Variants in ARHGAP40 observed in about 807,000 individuals in gnomAD.
The protein encoded by ARHGAP40 is Rho GTPase activating protein 40, also known as rho GTPase-activating protein 40.
Under a neutral mutation model 73.5 loss-of-function variants are expected in ARHGAP40, and 43 were observed. That is an observed-to-expected ratio of 0.58 (90% confidence interval 0.46 to 0.75). The LOEUF (loss-of-function observed/expected upper bound fraction) is 0.75. ARHGAP40 is among the 30% of genes least tolerant of loss of function. The pLI is 0.00. For synonymous variants in ARHGAP40, 300 were observed against 352.8 expected (o/e 0.85, Z 1.68); for missense variants, 734 against 861.8 (o/e 0.85, Z 1.86).
At chr20:38,627,328 G>A (rs1568607576) in intron 3 of ARHGAP40, 113 bp downstream of exon 3, 1 of 945,716 alleles carries the variant, frequency 1.1e-6, no homozygotes, top group Non-Finnish European at 1.5e-6. Flanking sequence ...GTGTGTATGT[G>A]TGTGTTGGTG....
rs551121500 is a variant in ARHGAP40, at chr20:38,628,114, T to G, written c.559-813T>G. ...TCCAGAGCAACAGCTCAGGAGCAGT[T>G]CTGCCTTTTAATTACATGCAAATTA... On this transcript the variant is annotated intron_variant, in intron 3 of 14. Coordinates refer to ENST00000373345, the Ensembl canonical transcript of ARHGAP40. 2.0e-5 allele frequency among the ~76,000 whole-genome samples: 3 copies of G among 152,332 alleles called. No individual in the cohort carries two copies. The South Asian group carries it at 6.2e-4, about 32-fold the overall frequency.
chr20:38,646,305 GA>G lies in ARHGAP40; in HGVS notation c.1710+119del. 9.0e-7 allele frequency: 1 copy of G among 1,115,248 alleles called. No individual in the cohort carries two copies. The highest frequency in any genetic ancestry group is 1.1e-6 in the Non-Finnish European group (1 of 884,230). The allele number at this position is 1,115,248 out of a possible 1,614,324, so 69.1% of individuals were successfully genotyped here. ...ACCGGGCTGCCAGCAACGGCCCAGT[GA>G]GGCCACCAGGGGGCGTTGCGGCGCC... On this transcript the variant is annotated intron_variant, in intron 12 of 14. Coordinates refer to ENST00000373345, the Ensembl canonical transcript of ARHGAP40. The surrounding 1 kb of genome is among the most constrained non-coding windows in gnomAD (Gnocchi z 4.5).
intron 1 of ARHGAP40, among the ~76,000 whole-genome samples, chr20:38,617,602 G>A (rs2088849924): frequency 6.6e-6 from 1 of 152,214 alleles, no homozygotes; most frequent in Non-Finnish European, 1.5e-5. Flanking sequence ...GTTCATGTGT[G>A]TGGAGAGAAG....
chr20:38,650,031 C>T (rs2089079520), exon 15 of ARHGAP40: 1 of 387,352 alleles, frequency 2.6e-6, no homozygotes, highest in South Asian at 2.0e-5. Flanking sequence ...GCTCTCTCCA[C>T]TCAGAGGGGA....
At chr20:38,630,229 T>C (rs2088930487) in intron 5 of ARHGAP40, among the ~76,000 whole-genome samples, 1 of 149,432 alleles carries the variant, frequency 6.7e-6, no homozygotes, top group Non-Finnish European at 1.5e-5. Flanking sequence ...CCTTCTTTTT[T>C]TTTTCTTTGA....
exon 5 of ARHGAP40, chr20:38,629,599 G>A: frequency 7.7e-7 from 1 of 1,305,446 alleles, no homozygotes; most frequent in South Asian, 1.2e-5. Context: ...TCCTGCAGAG[G>A]AGCAGGCCAT....
chr20:38,624,861 G>A (rs1361201897), intron 2 of ARHGAP40, among the ~76,000 whole-genome samples: 3 of 152,218 alleles, frequency 2.0e-5, no homozygotes, highest in Non-Finnish European at 4.4e-5. Flanking sequence ...TTTACCTAGT[G>A]CACTTCACTG....
At chr20:38,633,142 G>A (rs934663784) in intron 5 of ARHGAP40, among the ~76,000 whole-genome samples, 2 of 151,542 alleles carry the variant, frequency 1.3e-5, no homozygotes, top group African/African-American at 4.9e-5. Context: ...AAAAATAGTT[G>A]GATGTGGTGG....
intron 1 of ARHGAP40, 95 bp downstream of exon 1, chr20:38,602,174 C>G: frequency 3.4e-6 from 4 of 1,185,518 alleles, no homozygotes; most frequent in South Asian, 1.5e-5. Flanking sequence ...AGGCAAGAAT[C>G]TTCCTCCATC....
intron 1 of ARHGAP40, among the ~76,000 whole-genome samples, chr20:38,615,830 C>T (rs2088833736): frequency 1.3e-5 from 2 of 152,198 alleles, no homozygotes; most frequent in South Asian, 4.1e-4. Context: ...GATCCCCAAA[C>T]CCAGCAGCAA....
rs934964160 is a variant in ARHGAP40 at position 38,634,914 on chromosome 20, G to A, written c.949+129G>A. ...TTTTTTTTTTTTGAGACGGAGTCTC[G>A]CTCTGTCACCAGGCTGGAGTGCAGT... On this transcript the variant is annotated intron_variant, in intron 6 of 14. Transcript: ENST00000373345. 42 of 1,003,014 alleles carry A rather than the reference G, an allele frequency of 4.2e-5. No individual in the cohort carries two copies. The African/African-American group carries it at 4.7e-4, about 11-fold the overall frequency. 62.1% of individuals were successfully genotyped at this position (1,003,014 alleles called of 1,614,324 possible). A position where few individuals can be genotyped will look rare whatever the true frequency, so the allele number is the denominator to read the frequency against.
At chr20:38,619,214 C>T (rs1476552066) in intron 1 of ARHGAP40, among the ~76,000 whole-genome samples, 6 of 152,042 alleles carry the variant, frequency 3.9e-5, no homozygotes, top group East Asian at 3.9e-4. Context: ...CCAATGCCTT[C>T]GTAAGGCATT....
At chr20:38,648,814 C>T (rs2089070716) in intron 14 of ARHGAP40, 116 bp downstream of exon 14, 1 of 736,076 alleles carries the variant, frequency 1.4e-6, no homozygotes, top group Non-Finnish European at 2.0e-6. Flanking sequence ...ATGAGCCCTC[C>T]CTTCAGGTCT....
chr20:38,615,373 C>A, intron 1 of ARHGAP40: 1 of 746,472 alleles, frequency 1.3e-6, no homozygotes, highest in South Asian at 1.4e-5. Flanking sequence ...GGTTAAAAGG[C>A]CCCAGGTACC....
At chr20:38,643,704 G>A (rs2089033645) in exon 11 of ARHGAP40, 1 of 1,305,572 alleles carries the variant, frequency 7.7e-7, no homozygotes, top group African/African-American at 1.5e-5. Flanking sequence ...CCTTCCCTAG[G>A]CACTGCTGGA....
intron 1 of ARHGAP40, among the ~76,000 whole-genome samples, chr20:38,621,598 C>G (rs978411087): frequency 3.3e-5 from 5 of 152,084 alleles, no homozygotes; most frequent in Non-Finnish European, 7.4e-5. Flanking sequence ...GTTAAATATG[C>G]CTGGGGAGAA....
chr20:38,641,626 C>A, intron 9 of ARHGAP40, 100 bp from the exon 10 acceptor site: 1 of 828,198 alleles, frequency 1.2e-6, no homozygotes, highest in Non-Finnish European at 1.7e-6. Flanking sequence ...CCTGGCTGTC[C>A]CCTGGCTTTC....
intron 9 of ARHGAP40, among the ~76,000 whole-genome samples, chr20:38,641,079 AGGAG>A (rs148784970): frequency 0.062 from 8,921 of 143,418 alleles, 372 homozygotes; most frequent in African/African-American, 0.12. Context: ...AAAGAAGGGA[AGGAG>A]GGAGGGAGGG....
At chr20:38,639,469 G>T in intron 9 of ARHGAP40, 83 bp downstream of exon 9, 1 of 1,247,190 alleles carries the variant, frequency 8.0e-7, no homozygotes, top group South Asian at 1.3e-5. Flanking sequence ...CCATGCAAAG[G>T]CAGGACTCCG....
Sources: gnomAD v4.1 joint callset for allele counts (sites outside exome capture counted in the v4.1 genomes callset) on GRCh38, gnomAD v4.1.1 for gene constraint, Gnocchi (gnomAD v3.1) non-coding constraint, MANE v1.5 for transcripts, NCBI Gene and HGNC (gene_info 2026-07-23, HGNC 2026-07-21) for gene names.